The following PLK4 variants were observed in gnomAD, a reference collection of about 807,000 sequenced individuals.
PLK4 encodes the protein serine/threonine-protein kinase PLK4.
Under a neutral mutation model 103.0 loss-of-function variants are expected in PLK4, and 51 were observed. That is an observed-to-expected ratio of 0.50 (90% confidence interval 0.40 to 0.63). The LOEUF (loss-of-function observed/expected upper bound fraction) is 0.63, where lower values mean the gene tolerates loss of function less well. PLK4 is among the 20% of genes least tolerant of loss of function. The pLI is 0.00. For synonymous variants in PLK4, 389 were observed against 376.8 expected (o/e 1.03, Z -0.38); for missense variants, 1,054 against 1,151.0 (o/e 0.92, Z 1.22).
Position 127,887,496 on chromosome 4 carries a change from G to C in PLK4, c.1459G>C (p.Ala487Pro). Residue 487 changes from alanine to proline, a missense_variant and splice_region_variant, in exon 6 of 16, where the codon GCT (alanine) becomes CCT (proline). This residue lies in a region of PLK4 where 680 missense variants were observed against 660.3 expected (regional missense o/e 1.03). Coordinates refer to ENST00000270861, the MANE Select transcript of PLK4 (RefSeq NM_014264.5). Reference sequence around the variant, plus strand: ...GTGGTTTGGGAATCTGCAAATAAATGGTGAGTTTTTAATGGAGTATTTAAT... The same window carrying C: ...GTGGTTTGGGAATCTGCAAATAAATCGTGAGTTTTTAATGGAGTATTTAAT... ...QQWFGNLQIN[A>P]HLRKTTEYDS... 6.4e-7 allele frequency: 1 copy of C among 1,555,034 alleles called. No homozygotes were observed. Among genetic ancestry groups the C allele is most frequent in the Non-Finnish European group, 8.9e-7 (1 of 1,129,868 alleles).
chr4:127,881,967 G>T, intron 2 of PLK4, 41 bp downstream of exon 2: 1 of 1,074,140 alleles, frequency 9.3e-7, no homozygotes, highest in Non-Finnish European at 1.5e-6. Flanking sequence ...TACTTTGCAA[G>T]TAACTAGAGA....
chr4:127,884,431 A>T (rs1287365544), intron 4 of PLK4, among the ~76,000 whole-genome samples: 1 of 152,258 alleles, frequency 6.6e-6, no homozygotes, highest in Non-Finnish European at 1.5e-5. Flanking sequence ...TTTATTCCAA[A>T]GAAATAATAC....
chr4:127,889,378 GT>G (rs1735264315), intron 6 of PLK4, among the ~76,000 whole-genome samples: 2 of 152,066 alleles, frequency 1.3e-5, no homozygotes, highest in Admixed American at 1.3e-4. Flanking sequence ...TGTTAAAGCT[GT>G]TCATATAGTG....
chr4:127,881,828 A>T lies in PLK4; in HGVS notation c.31-3A>T. The T allele has an allele frequency of 6.4e-7, 1 of 1,554,462 alleles. No individual in the cohort carries two copies. The highest frequency in any genetic ancestry group is 8.9e-7 in the Non-Finnish European group (1 of 1,125,794). The stretch of plus-strand genomic sequence containing the variant: ...CACATAATCTTTAATTTTAACTTTT[A>T]AGGATTTTAAAGTTGGAAATCTGCT... On this transcript the variant is annotated splice_polypyrimidine_tract_variant and splice_region_variant and intron_variant, in intron 1 of 15. Coordinates refer to ENST00000270861, the MANE Select transcript of PLK4 (RefSeq NM_014264.5).
At chr4:127,896,750 G>GT (rs35646358) in intron 14 of PLK4, 51 bp from the exon 15 acceptor site, 142,749 of 772,256 alleles carry the variant, frequency 0.18, 2 homozygotes, top group South Asian at 0.24. Context: ...TACTACTGCT[G>GT]TTTTTTTTTT....
Position 127,894,996 on chromosome 4 carries a change from G to A in PLK4, c.2606G>A (p.Gly869Glu), listed in dbSNP as rs763873731. The A allele has an allele frequency of 5.6e-6, 9 of 1,605,636 alleles. No homozygotes were observed. In the South Asian group the frequency reaches 6.6e-5, roughly 12 times the overall value. ...EGLGLTTTAS[G>E]TDISSNSLKD... ...CTTGGTCTTACAACTACAGCTTCTG[G>A]AACAGACATCTCTTCTAATAGTCTA... The change falls in exon 14 of 16, where the codon GGA becomes GAA. Residue 869 changes from glycine (G) to glutamate (E), a missense_variant. This residue lies in a region of PLK4 where 167 missense variants were observed against 200.7 expected (regional missense o/e 0.83). Transcript: ENST00000270861.
chr4:127,886,773 A>G, intron 5 of PLK4, 45 bp downstream of exon 5: 4 of 1,196,562 alleles, frequency 3.3e-6, no homozygotes, highest in Non-Finnish European at 4.7e-6. Context: ...TGGTAACATT[A>G]TACTAGTATA....
chr4:127,887,398 C>T lies in PLK4; in HGVS notation c.1361C>T (p.Ser454Phe). ...GATTTTTTTGTTTGTTTGTTTAGCTCCAATCATCTTTGTCCAGGAAAAACT... is the reference window on the plus strand; with the variant it reads ...GATTTTTTTGTTTGTTTGTTTAGCTTCAATCATCTTTGTCCAGGAAAAACT... Reference protein sequence around the residue: ...FERPDNNQALSNHLCPGKTPF... With the variant: ...FERPDNNQALFNHLCPGKTPF... The change falls in exon 6 of 16, where the codon TCC becomes TTC. Residue 454 changes from serine (S) to phenylalanine (F), a missense_variant and splice_region_variant. Physicochemically the swap from Ser to Phe is radical, Grantham distance 155. Transcript: ENST00000270861. 6.3e-7 allele frequency: 1 copy of T among 1,592,868 alleles called. No homozygotes were observed. The highest frequency in any genetic ancestry group is 8.6e-7 in the Non-Finnish European group (1 of 1,162,678).
intron 5 of PLK4, 49 bp from the exon 6 acceptor site, chr4:127,887,346 AC>A (rs1735173812): frequency 1.0e-6 from 1 of 957,500 alleles, no homozygotes; most frequent in South Asian, 1.5e-5. Flanking sequence ...TTAAAAAGTT[AC>A]CTGATAATTT....
Position 127,886,536 on chromosome 4 carries a change from C to T in PLK4, c.1166C>T (p.Ser389Phe), listed in dbSNP as rs372350087. 2 of 1,613,862 alleles carry T rather than the reference C, an allele frequency of 1.2e-6. No individual in the cohort carries two copies. The highest frequency in any genetic ancestry group is 2.7e-5 in the African/African-American group (2 of 74,916). ...AGATCTGGCACTTCTAATAGTCAGT[C>T]TCAAGCAAAAACATATACAATGGAA... is the stretch of plus-strand genomic sequence containing the variant. Reference protein sequence around the residue: ...SDRSGTSNSQSQAKTYTMERC... With the variant: ...SDRSGTSNSQFQAKTYTMERC... The change falls in exon 5 of 16, where the codon TCT becomes TTT. Residue 389 changes from serine (S) to phenylalanine (F), a missense_variant. Around this residue, in one of 4 missense-constraint regions of PLK4, gnomAD observed 680 missense variants for 660.3 expected, o/e 1.03. Coordinates refer to ENST00000270861, the MANE Select transcript of PLK4 (RefSeq NM_014264.5).
Position 127,891,628 on chromosome 4 carries a change from G to C in PLK4, c.1985G>C (p.Arg662Thr). ...NGGRGFPLAD[R>T]PPSPTDNISR... ...GGTAGAGGTTTTCCTCTTGCTGATA[G>C]ACCACCCTCACCTACTGACAACATC... Residue 662 changes from arginine (R) to threonine (T), a missense_variant, in exon 9 of 16, where the codon AGA (arginine) becomes ACA (threonine). Physicochemically the swap from Arg to Thr is moderately conservative, Grantham distance 71. This residue lies in a region of PLK4 where 680 missense variants were observed against 660.3 expected (regional missense o/e 1.03). Coordinates refer to ENST00000270861, the MANE Select transcript of PLK4 (RefSeq NM_014264.5). 1 of 1,559,482 alleles carries C rather than the reference G, an allele frequency of 6.4e-7. No homozygotes were observed.
rs903536606 is a variant in PLK4 at position 127,898,764 on chromosome 4, A to C, written c.*223A>C. On this transcript the variant is annotated 3_prime_UTR_variant, in exon 16 of 16. Coordinates refer to ENST00000270861, the MANE Select transcript of PLK4 (RefSeq NM_014264.5). Reference sequence around the variant, plus strand: ...AAATAGAACACCTGACTTTGCTCTTAGACCATAACCCCCGAACTTACTATG... The same window carrying C: ...AAATAGAACACCTGACTTTGCTCTTCGACCATAACCCCCGAACTTACTATG... 1 of 394,432 alleles carries C rather than the reference A, an allele frequency of 2.5e-6. No homozygotes were observed. Among genetic ancestry groups the C allele is most frequent in the Non-Finnish European group, 4.5e-6 (1 of 223,030 alleles). The allele number at this position is 394,432 out of a possible 1,614,324, so 24.4% of individuals were successfully genotyped here.
chr4:127,881,122 A>G lies in PLK4; in HGVS notation c.-13A>G. On this transcript the variant is annotated 5_prime_UTR_variant, in exon 1 of 16. Coordinates refer to ENST00000270861, the MANE Select transcript of PLK4 (RefSeq NM_014264.5). ...GAAGCTAATCCGGAGAACCCAGGCC[A>G]GAGCCTGGAAATATGGCGACCTGCA... The G allele has an allele frequency of 6.2e-7, 1 of 1,613,810 alleles. No homozygotes were observed. The highest frequency in any genetic ancestry group is 8.5e-7 in the Non-Finnish European group (1 of 1,179,836).
In PLK4 at chr4:127,897,875, C is replaced by G. The variant is rs546450593; in HGVS notation, c.2811-564C>G. ...TTTTTTTTTGAGACAGAGTCTCGCT[C>G]TGTTGCCCAGGCTCGAGTTAGTGGT... On this transcript the variant is annotated intron_variant, in intron 15 of 15. Coordinates refer to ENST00000270861, the MANE Select transcript of PLK4 (RefSeq NM_014264.5). 4.9e-4 allele frequency among the ~76,000 whole-genome samples: 47 copies of G among 96,546 alleles called. No individual in the cohort carries two copies. In the South Asian group the frequency reaches 9.9e-3, roughly 20 times the overall value. The allele number at this position is 96,546 out of a possible 152,430, so 63.3% of individuals were successfully genotyped here.
At chr4:127,888,142 T>C (rs965464335) in intron 6 of PLK4, among the ~76,000 whole-genome samples, 2 of 111,180 alleles carry the variant, frequency 1.8e-5, no homozygotes, top group Admixed American at 2.8e-4. Flanking sequence ...ATCACGCCAC[T>C]GCACTCCAGT....
intron 15 of PLK4, among the ~76,000 whole-genome samples, chr4:127,897,186 A>G (rs1043118869): frequency 1.3e-5 from 2 of 152,180 alleles, no homozygotes; most frequent in African/African-American, 2.4e-5. Context: ...GGCCTTTTTC[A>G]GAAGTAAGGG....
chr4:127,894,286 G>A (rs1735478005), intron 13 of PLK4, among the ~76,000 whole-genome samples: 1 of 152,002 alleles, frequency 6.6e-6, no homozygotes, highest in Non-Finnish European at 1.5e-5. Flanking sequence ...GAGTGCAGTG[G>A]CACGATCTCG....
intron 7 of PLK4, 89 bp from the exon 8 acceptor site, chr4:127,891,003 T>C: frequency 1.5e-6 from 1 of 655,156 alleles, no homozygotes. Context: ...GTTTCTGCCA[T>C]GGTTAAGTAC....
intron 7 of PLK4, 87 bp downstream of exon 7, chr4:127,890,323 G>A: frequency 4.6e-6 from 5 of 1,077,446 alleles, no homozygotes; most frequent in Non-Finnish European, 6.6e-6. Context: ...CCTCTGTAAT[G>A]TCCTTTTACT....
Sources: gnomAD v4.1 joint callset for allele counts (sites outside exome capture counted in the v4.1 genomes callset) on GRCh38, gnomAD v4.1.1 for gene constraint, gnomAD v4.1.1 regional missense constraint, MANE v1.5 for transcripts, NCBI Gene and HGNC (gene_info 2026-07-23, HGNC 2026-07-21) for gene names.